SYT3: variants seen among roughly 807,000 people sequenced by gnomAD.
SYT3 encodes the protein synaptotagmin-3.
A neutral mutation model predicts 50.6 loss-of-function variants in SYT3; 25 were observed. The ratio of observed to expected loss-of-function variants is 0.49; its 90% CI spans 0.36 to 0.69. The LOEUF (loss-of-function observed/expected upper bound fraction) is 0.69, where lower values mean the gene tolerates loss of function less well. Among genes scored for constraint, SYT3 ranks in the 30% least tolerant of loss-of-function variants. The pLI is 0.00. For synonymous variants in SYT3, 323 were observed against 353.9 expected (o/e 0.91, Z 0.98); for missense variants, 589 against 793.6 (o/e 0.74, Z 3.10).
Position 50,637,247 on chromosome 19 carries a change from C to A in SYT3, c.148+17G>T. On this transcript the variant is annotated intron_variant, in intron 3 of 10. Transcript: ENST00000600079. This position sits in a 1 kb window ranked among gnomAD's most constrained non-coding sequence, Gnocchi z 4.9. Reference sequence around the variant, plus strand: ...AGTGCAAGCAGGGGGCTGGCCAAGACAGGCAGGGGTGCTGACCTGCATCTG... The same window carrying A: ...AGTGCAAGCAGGGGGCTGGCCAAGAAAGGCAGGGGTGCTGACCTGCATCTG... The A allele has an allele frequency of 1.2e-6, 2 of 1,609,004 alleles. No homozygotes were observed. Among genetic ancestry groups the A allele is most frequent in the Non-Finnish European group, 1.7e-6 (2 of 1,176,782 alleles).
the SYT3 span, chr19:50,649,514 A>G: frequency 2.6e-6 from 4 of 1,536,116 alleles, no homozygotes; most frequent in Admixed American, 5.9e-5. Context: ...GAAGGCAGGT[A>G]CTGAGCTGTG....
chr19:50,658,080 G>A, the SYT3 span: 22 of 1,535,842 alleles, frequency 1.4e-5, no homozygotes, highest in East Asian at 4.2e-4. Context: ...AGCAGCATCC[G>A]CTTTGAGAAC....
At chr19:50,623,311 CCCGTCTTTT>C (rs1209997538) in intron 9 of SYT3, among the ~76,000 whole-genome samples, 1 of 151,894 alleles carries the variant, frequency 6.6e-6, no homozygotes, top group African/African-American at 2.4e-5. Flanking sequence ...TAGTAGAGTC[CCCGTCTTTT>C]CCAATCTCAA....
the SYT3 span, among the ~76,000 whole-genome samples, chr19:50,650,180 C>T: frequency 6.6e-6 from 1 of 152,210 alleles, no homozygotes; most frequent in Non-Finnish European, 1.5e-5. Flanking sequence ...CTTCCTGTCA[C>T]CTCTAGGACA....
Position 50,637,267 on chromosome 19 carries a change from C to T in SYT3, c.145G>A (p.Ala49Thr). ...RIRGYPRGPD[A>T]DISVSLLSVI... ...CAAGACAGGCAGGGGTGCTGACCTGCATCTGGACCCCGGGGATAGCCTCGG... is the reference window on the plus strand; with the variant it reads ...CAAGACAGGCAGGGGTGCTGACCTGTATCTGGACCCCGGGGATAGCCTCGG... Residue 49 changes from alanine to threonine, a missense_variant, in exon 3 of 11, where the codon GCA becomes ACA. Around this residue, in one of 2 missense-constraint regions of SYT3, gnomAD observed 316 missense variants for 354.3 expected, o/e 0.89. Coordinates refer to ENST00000600079, the MANE Select transcript of SYT3 (RefSeq NM_001160329.2). The surrounding 1 kb of genome is among the most constrained non-coding windows in gnomAD (Gnocchi z 4.9). The T allele has an allele frequency of 6.2e-7, 1 of 1,612,976 alleles. No homozygotes were observed. Among genetic ancestry groups the T allele is most frequent in the South Asian group, 1.1e-5 (1 of 91,044 alleles).
the SYT3 span, chr19:50,655,928 T>A: frequency 3.2e-6 from 3 of 930,338 alleles, no homozygotes; most frequent in African/African-American, 1.6e-5. Flanking sequence ...AGACAGTAAC[T>A]CAACATCTGG....
chr19:50,649,300 G>A, the SYT3 span: 2 of 767,104 alleles, frequency 2.6e-6, no homozygotes, highest in East Asian at 2.7e-5. Flanking sequence ...CATGGTCTCA[G>A]CCTTCCAGTT....
intron 3 of SYT3, among the ~76,000 whole-genome samples, chr19:50,634,956 T>C (rs373244435): frequency 7.9e-5 from 12 of 151,976 alleles, no homozygotes; most frequent in African/African-American, 2.9e-4. Flanking sequence ...ATGTGATCTC[T>C]GCGGAGTGCA....
intron 5 of SYT3, 80 bp from the exon 6 acceptor site, chr19:50,629,592 C>G (rs917351385): frequency 1.4e-6 from 2 of 1,411,476 alleles, no homozygotes; most frequent in African/African-American, 1.4e-5. Context: ...CAGCCCCCAG[C>G]CCCTCCTCCC....
rs749409227 is a variant in SYT3 at position 50,629,924 on chromosome 19, G to A, written c.922C>T (p.Arg308Trp). 3.0e-5 allele frequency: 48 copies of A among 1,613,920 alleles called. No individual in the cohort carries two copies. The highest frequency in any genetic ancestry group is 1.6e-4 in the Middle Eastern group (1 of 6,084). Residue 308 changes from arginine to tryptophan, a missense_variant, in exon 5 of 11, where the codon CGG becomes TGG. Physicochemically the swap from Arg to Trp is moderately radical, Grantham distance 101. Transcript: ENST00000600079. ...APCGRISFAL[R>W]YLYGSDQLVV... ...AGCTGGTCCGAGCCATAGAGGTACC[G>A]CAGGGCGAAGCTGATACGGCCACAG...
chr19:50,647,120 G>A, the SYT3 span, among the ~76,000 whole-genome samples: 7 of 152,192 alleles, frequency 4.6e-5, no homozygotes, highest in Admixed American at 1.3e-4. Context: ...GTGAGCCACC[G>A]CGCCTGGCTG....
At chr19:50,656,055 C>T in the SYT3 span, 1 of 1,536,110 alleles carries the variant, frequency 6.5e-7, no homozygotes, top group Non-Finnish European at 8.7e-7. Flanking sequence ...CTCAGGAGCC[C>T]TCCTTATGGA....
At chr19:50,635,737 A>G (rs1220665900) in intron 3 of SYT3, among the ~76,000 whole-genome samples, 1 of 151,902 alleles carries the variant, frequency 6.6e-6, no homozygotes, top group Non-Finnish European at 1.5e-5. Context: ...CCCAATAAAA[A>G]CCCTGCCCAC....
chr19:50,623,819 A>G (rs890051970), intron 9 of SYT3, among the ~76,000 whole-genome samples: 25 of 151,916 alleles, frequency 1.6e-4, no homozygotes, highest in African/African-American at 6.0e-4. Context: ...AACAATAATA[A>G]TAATAATGCA....
intron 6 of SYT3, 172 bp from the exon 7 acceptor site, chr19:50,626,189 G>T: frequency 1.0e-6 from 1 of 999,022 alleles, no homozygotes; most frequent in Non-Finnish European, 1.4e-6. Flanking sequence ...CCTGGCCACA[G>T]CTGCCCATGA....
rs754922627 is a variant in SYT3 at position 50,632,627 on chromosome 19, G to A, written c.333C>T (p.Gly111=). ...GPGVGLAGLV[G]GGGHHLAAGL... The stretch of plus-strand genomic sequence containing the variant: ...CAGCCGCCAGGTGGTGCCCGCCTCC[G>A]CCTACCAGGCCTGCCAGCCCGACAC... The change falls in exon 4 of 11, where the codon GGC becomes GGT. Residue 111 remains glycine (G), a synonymous_variant. Transcript: ENST00000600079. This position sits in a 1 kb window ranked among gnomAD's most constrained non-coding sequence, Gnocchi z 4.7. 142 of 1,579,658 alleles carry A rather than the reference G, an allele frequency of 9.0e-5. No homozygotes were observed. The highest frequency in any genetic ancestry group is 4.7e-4 in the South Asian group (42 of 88,864).
chr19:50,651,504 G>A, the SYT3 span, among the ~76,000 whole-genome samples: 3 of 152,148 alleles, frequency 2.0e-5, no homozygotes, highest in Non-Finnish European at 4.4e-5. Context: ...AAAGGGCAGA[G>A]GTGTGTCTCA....
intron 3 of SYT3, among the ~76,000 whole-genome samples, chr19:50,634,481 G>A (rs1225380282): frequency 6.6e-6 from 1 of 151,930 alleles, no homozygotes; most frequent in African/African-American, 2.4e-5. Flanking sequence ...GAGAAAACAG[G>A]CTCTGAGAGA....
chr19:50,638,089 ACTGT>A (rs1017593834), intron 2 of SYT3: 3 of 152,294 alleles, frequency 2.0e-5, no homozygotes, highest in African/African-American at 7.2e-5. Context: ...TCACTGTCAG[ACTGT>A]CTGTGAGAAG....
Sources: allele counts gnomAD v4.1 joint callset (sites outside exome capture counted in the v4.1 genomes callset), GRCh38; gene constraint gnomAD v4.1.1; regional missense constraint gnomAD v4.1.1; non-coding constraint Gnocchi (gnomAD v3.1); transcripts MANE v1.5; gene names NCBI Gene and HGNC (gene_info 2026-07-23, HGNC 2026-07-21).